Variants in VPS13B observed in about 807,000 individuals in gnomAD.
The protein encoded by VPS13B is intermembrane lipid transfer protein VPS13B.
Under a neutral mutation model 426.4 loss-of-function variants are expected in VPS13B, and 285 were observed. The observed-to-expected ratio is 0.67, with a 90% CI of 0.61 to 0.74. VPS13B has a LOEUF of 0.74. Ranked by LOEUF, VPS13B falls within the 30% of genes least tolerant of loss-of-function variation. The probability of loss-of-function intolerance (pLI) is 0.00; values close to 1 mark genes in which losing one functional copy is unlikely to be tolerated. For synonymous variants in VPS13B, 1,676 were observed against 1,676.4 expected (o/e 1.00, Z 0.01); for missense variants, 4,537 against 4,782.6 (o/e 0.95, Z 1.51).
chr8:99,285,384 C>T (rs1819377390), intron 19 of VPS13B, among the ~76,000 whole-genome samples: 2 of 152,028 alleles, frequency 1.3e-5, no homozygotes, highest in Admixed American at 6.6e-5. Flanking sequence ...AAATTTTTTG[C>T]ATTTTATTAC....
intron 19 of VPS13B, among the ~76,000 whole-genome samples, chr8:99,276,544 G>A (rs1818904807): frequency 6.6e-6 from 1 of 152,092 alleles, no homozygotes; most frequent in African/African-American, 2.4e-5. Flanking sequence ...TGTTTCTGCT[G>A]TTTTAGCACA....
chr8:99,420,155 G>A (rs1054927202), intron 21 of VPS13B, among the ~76,000 whole-genome samples: 1 of 152,152 alleles, frequency 6.6e-6, no homozygotes, highest in Non-Finnish European at 1.5e-5. Context: ...ATTCTAAGAA[G>A]TGCTTACTAT....
At chr8:99,664,591 G>C (rs1393802139) in intron 35 of VPS13B, among the ~76,000 whole-genome samples, 3 of 151,990 alleles carry the variant, frequency 2.0e-5, no homozygotes, top group African/African-American at 7.3e-5. Flanking sequence ...CCTTGTGATA[G>C]TTTGCTGAGA....
At chr8:99,550,453 A>T (rs775646672) in intron 30 of VPS13B, among the ~76,000 whole-genome samples, 2 of 148,012 alleles carry the variant, frequency 1.4e-5, no homozygotes, top group African/African-American at 2.5e-5. Context: ...AAATCTTCCT[A>T]TTCATTTAAC....
At chr8:99,414,917 A>T (rs1296005250) in intron 21 of VPS13B, among the ~76,000 whole-genome samples, 2 of 151,794 alleles carry the variant, frequency 1.3e-5, no homozygotes, top group African/African-American at 4.8e-5. Context: ...TATCTTTGTG[A>T]TGTTCTCTGT....
intron 17 of VPS13B, among the ~76,000 whole-genome samples, chr8:99,220,337 C>G (rs983978980): frequency 6.6e-6 from 1 of 152,138 alleles, no homozygotes; most frequent in Admixed American, 6.5e-5. Flanking sequence ...ACATATTACT[C>G]TCTTAGGCCA....
chr8:99,397,345 G>A (rs949475271), intron 21 of VPS13B, among the ~76,000 whole-genome samples: 3 of 151,962 alleles, frequency 2.0e-5, no homozygotes, highest in East Asian at 1.9e-4. Context: ...GGGTTTCACC[G>A]TGTTGGCCAG....
chr8:99,020,473 A>C (rs1206794627), intron 2 of VPS13B, among the ~76,000 whole-genome samples: 3 of 152,128 alleles, frequency 2.0e-5, no homozygotes, highest in African/African-American at 4.8e-5. Flanking sequence ...GATGCACCAA[A>C]GTTTTTAATT....
At chr8:99,285,044 T>C (rs1446038030) in intron 19 of VPS13B, among the ~76,000 whole-genome samples, 1 of 152,212 alleles carries the variant, frequency 6.6e-6, no homozygotes, top group Non-Finnish European at 1.5e-5. Flanking sequence ...TGTAAGGTTT[T>C]TCTGAGTCAT....
intron 30 of VPS13B, among the ~76,000 whole-genome samples, chr8:99,535,101 A>T (rs1823129846): frequency 6.6e-6 from 1 of 152,144 alleles, no homozygotes; most frequent in Non-Finnish European, 1.5e-5. Context: ...TAAAAAGAAA[A>T]TTAAGAAGCA....
chr8:99,245,083 C>T (rs959912885), intron 17 of VPS13B, among the ~76,000 whole-genome samples: 7 of 152,178 alleles, frequency 4.6e-5, no homozygotes, highest in Middle Eastern at 3.4e-3. Flanking sequence ...CAATTTAGTA[C>T]GGTAATTGTT....
intron 42 of VPS13B, among the ~76,000 whole-genome samples, chr8:99,783,247 T>C (rs1226065080): frequency 6.6e-6 from 1 of 152,186 alleles, no homozygotes; most frequent in African/African-American, 2.4e-5. Flanking sequence ...ACTCCCCCAC[T>C]TCTCAGTAAA....
chr8:99,785,755 AC>A (rs1812226959), intron 43 of VPS13B, among the ~76,000 whole-genome samples: 1 of 152,160 alleles, frequency 6.6e-6, no homozygotes, highest in African/African-American at 2.4e-5. Context: ...ACAAAACCAA[AC>A]AAAAAACACC....
chr8:99,165,171 A>G (rs1474429095), intron 15 of VPS13B, among the ~76,000 whole-genome samples: 1 of 152,228 alleles, frequency 6.6e-6, no homozygotes, highest in African/African-American at 2.4e-5. Flanking sequence ...GTCACATACT[A>G]TCATTTTTGT....
intron 40 of VPS13B, among the ~76,000 whole-genome samples, chr8:99,773,558 G>T (rs1054178503): frequency 1.3e-5 from 2 of 152,070 alleles, no homozygotes; most frequent in Non-Finnish European, 2.9e-5. Context: ...TAACTCTTTG[G>T]CTAAAATGAA....
chr8:99,330,626 A>G (rs1810497047), intron 19 of VPS13B, among the ~76,000 whole-genome samples: 1 of 151,758 alleles, frequency 6.6e-6, no homozygotes, highest in Non-Finnish European at 1.5e-5. Context: ...TACAATCTAT[A>G]TTTTAATTTT....
chr8:99,745,001 G>T (rs187020305), intron 39 of VPS13B, among the ~76,000 whole-genome samples: 3 of 151,700 alleles, frequency 2.0e-5, no homozygotes, highest in Admixed American at 6.6e-5. Flanking sequence ...GTTTTTTCAA[G>T]TATGTATTTT....
In VPS13B at chr8:99,511,635, T is replaced by C. The variant is rs1821795768; in HGVS notation, c.4633+123T>C. ...GTTGGTTGTGCTTTGTGGTTTGGTATATTTTATAGAGAGGAAATATAGATA... is the reference window on the plus strand; with the variant it reads ...GTTGGTTGTGCTTTGTGGTTTGGTACATTTTATAGAGAGGAAATATAGATA... On this transcript the variant is annotated intron_variant, in intron 29 of 61. Coordinates refer to ENST00000357162, the MANE Select transcript of VPS13B (RefSeq NM_152564.5). 5.2e-6 allele frequency: 5 copies of C among 966,716 alleles called. No individual in the cohort carries two copies. In the East Asian group the frequency reaches 7.9e-5, roughly 15 times the overall value. 59.9% of individuals were successfully genotyped at this position (966,716 alleles called of 1,614,324 possible).
intron 20 of VPS13B, among the ~76,000 whole-genome samples, chr8:99,389,929 A>T (rs1814330828): frequency 6.6e-6 from 1 of 152,130 alleles, no homozygotes; most frequent in Admixed American, 6.5e-5. Flanking sequence ...TAGATGAGGA[A>T]ATTTAAATGC....
Sources: allele counts gnomAD v4.1 joint callset (sites outside exome capture counted in the v4.1 genomes callset), GRCh38; gene constraint gnomAD v4.1.1; transcripts MANE v1.5; gene names NCBI Gene and HGNC (gene_info 2026-07-23, HGNC 2026-07-21).